STXBP6: variants seen among roughly 807,000 people sequenced by gnomAD.
The protein encoded by STXBP6 is syntaxin-binding protein 6.
STXBP6 carries 21 observed loss-of-function variants against 26.9 expected under a neutral mutation model. The ratio of observed to expected loss-of-function variants is 0.78; its 90% CI spans 0.55 to 1.12. The LOEUF (loss-of-function observed/expected upper bound fraction) is 1.12, where lower values mean the gene tolerates loss of function less well. STXBP6 is among the 50% of genes most tolerant of loss of function. STXBP6 has a pLI of 0.00. For synonymous variants in STXBP6, 97 were observed against 92.6 expected, an observed-to-expected ratio of 1.05 and a Z score of -0.27; for missense variants, 232 against 257.9, an observed-to-expected ratio of 0.90 and a Z score of 0.69.
At chr14:24,816,117 C>T (rs1330388399) in intron 5 of STXBP6, 4 of 152,300 alleles carry the variant, frequency 2.6e-5, no homozygotes, top group Admixed American at 1.3e-4. Flanking sequence ...GGGTTCGGCA[C>T]CCTTATTCAA....
intron 1 of STXBP6, among the ~76,000 whole-genome samples, chr14:25,048,313 T>A (rs542427971): frequency 4.6e-5 from 7 of 152,256 alleles, no homozygotes; most frequent in African/African-American, 1.7e-4. Context: ...TGGAGGGAGG[T>A]AAGGCCACGA....
intron 1 of STXBP6, among the ~76,000 whole-genome samples, chr14:24,992,427 G>A (rs1326702433): frequency 1.3e-5 from 2 of 152,110 alleles, no homozygotes; most frequent in African/African-American, 4.8e-5. Context: ...GAAAAAAAAA[G>A]GTCAAAGACA....
At chr14:24,857,252 T>C in intron 2 of STXBP6, 95 bp from the exon 3 acceptor site, 2 of 1,517,404 alleles carry the variant, frequency 1.3e-6, no homozygotes, top group Non-Finnish European at 9.0e-7. Context: ...ACTGTGTATA[T>C]GCACAATAAC....
intron 4 of STXBP6, among the ~76,000 whole-genome samples, chr14:24,836,803 A>G (rs1017815664): frequency 6.4e-4 from 97 of 152,234 alleles, no homozygotes; most frequent in African/African-American, 2.3e-3. Context: ...TCTTCAGTAA[A>G]AATCCTGCTT....
intron 2 of STXBP6, among the ~76,000 whole-genome samples, chr14:24,973,666 C>T (rs1364399034): frequency 6.6e-6 from 1 of 152,070 alleles, no homozygotes; most frequent in Non-Finnish European, 1.5e-5. Context: ...GCATTATAGG[C>T]ATGAGCCACC....
rs764373680 is a variant in STXBP6, at chr14:24,961,651, AG to A, written c.154+13013del. 2.6e-5 allele frequency among the ~76,000 whole-genome samples: 4 copies of A among 152,232 alleles called. No individual in the cohort carries two copies. In the East Asian group the frequency reaches 7.7e-4, roughly 29 times the overall value. ...GATACCGGGGACTCTAAAAGGCAGC[AG>A]GGTGGAAAGGAATGAGGATTTAAAA... is the stretch of plus-strand genomic sequence containing the variant. On this transcript the variant is annotated intron_variant, in intron 2 of 5. Coordinates refer to ENST00000323944, the MANE Select transcript of STXBP6 (RefSeq NM_001394410.1).
intron 2 of STXBP6, among the ~76,000 whole-genome samples, chr14:24,907,981 C>T (rs936203415): frequency 3.9e-5 from 6 of 152,034 alleles, no homozygotes; most frequent in Non-Finnish European, 5.9e-5. Context: ...CTGTATCTCA[C>T]GCCCACAGCA....
chr14:25,037,729 C>T (rs1347289111), intron 1 of STXBP6, among the ~76,000 whole-genome samples: 1 of 152,214 alleles, frequency 6.6e-6, no homozygotes, highest in East Asian at 1.9e-4. Context: ...ATGTTTAGAG[C>T]AATTCCAAAA....
Position 24,908,698 on chromosome 14 carries a change from C to T in STXBP6, c.155-51541G>A, listed in dbSNP as rs147930459. ...CCTACAACTGAGACCAAAACAGAAC[C>T]GAAACTTGTCCCAATTTCCTCATAA... On this transcript the variant is annotated intron_variant, in intron 2 of 5. Transcript: ENST00000323944. Among the ~76,000 whole-genome samples, 751 of 152,282 alleles carry T rather than the reference C, an allele frequency of 4.9e-3. 5 individuals are homozygous for T. The highest frequency in any genetic ancestry group is 0.014 in the African/African-American group (580 of 41,558).
At chr14:24,815,538 C>A (rs572978531) in intron 5 of STXBP6, 5 of 151,262 alleles carry the variant, frequency 3.3e-5, no homozygotes, top group Non-Finnish European at 4.4e-5. Context: ...AGACCCAGAC[C>A]TGAGCTCCTT....
intron 2 of STXBP6, among the ~76,000 whole-genome samples, chr14:24,933,811 CT>C (rs2072506003): frequency 1.3e-5 from 2 of 151,950 alleles, no homozygotes; most frequent in South Asian, 2.1e-4. Flanking sequence ...ATTGGGCATG[CT>C]TTTTTAACGT....
At chr14:24,963,947 G>A (rs947542729) in intron 2 of STXBP6, among the ~76,000 whole-genome samples, 1 of 139,090 alleles carries the variant, frequency 7.2e-6, no homozygotes, top group Non-Finnish European at 1.5e-5. Context: ...GCATCTTAGT[G>A]TGTGTGAATA....
At position 24,819,086 on chromosome 14, in the gene STXBP6, G is replaced by A. The variant is rs768831879; in HGVS notation, c.560C>T (p.Thr187Ile). The stretch of plus-strand genomic sequence containing the variant: ...CTGGGCGCTGTTCTTCAGGTCTTCT[G>A]TCTTCTCCTCTGCTCGGCCTAATCG... ...GERLGRAEEKTEDLKNSAQQF... is the reference protein window; with the variant it reads ...GERLGRAEEKIEDLKNSAQQF... Residue 187 changes from threonine to isoleucine, a missense_variant, in exon 5 of 6, where the codon ACA (threonine) becomes ATA (isoleucine). Coordinates refer to ENST00000323944, the MANE Select transcript of STXBP6 (RefSeq NM_001394410.1). The A allele has an allele frequency of 2.4e-5, 38 of 1,613,396 alleles. No homozygotes were observed. Among genetic ancestry groups the A allele is most frequent in the Non-Finnish European group, 2.6e-5 (31 of 1,179,580 alleles).
intron 1 of STXBP6, among the ~76,000 whole-genome samples, chr14:24,975,935 A>C (rs111619527): frequency 6.6e-6 from 1 of 152,224 alleles, no homozygotes; most frequent in Non-Finnish European, 1.5e-5. Context: ...ACAAATCAAA[A>C]TTAAAGGCAC....
intron 4 of STXBP6, among the ~76,000 whole-genome samples, chr14:24,827,228 A>C (rs1005571827): frequency 2.0e-5 from 3 of 152,140 alleles, no homozygotes; most frequent in Non-Finnish European, 4.4e-5. Context: ...AACAAACAAA[A>C]AAAAGTACTT....
intron 2 of STXBP6, among the ~76,000 whole-genome samples, chr14:24,886,005 C>T (rs982309800): frequency 4.6e-5 from 7 of 152,156 alleles, no homozygotes; most frequent in Admixed American, 3.3e-4. Context: ...GGTAAACATG[C>T]CTAGCTTCTT....
intron 2 of STXBP6, among the ~76,000 whole-genome samples, chr14:24,920,212 C>G (rs1183169372): frequency 1.3e-5 from 2 of 151,966 alleles, no homozygotes; most frequent in Non-Finnish European, 2.9e-5. Flanking sequence ...GAACTCAATA[C>G]TCAAAACACA....
intron 1 of STXBP6, among the ~76,000 whole-genome samples, chr14:25,046,859 T>G (rs1029298936): frequency 4.6e-5 from 7 of 152,210 alleles, no homozygotes; most frequent in African/African-American, 1.7e-4. Flanking sequence ...ACACTAATAC[T>G]GATCAGCTGC....
At chr14:24,836,080 A>T (rs1272895498) in intron 4 of STXBP6, among the ~76,000 whole-genome samples, 1 of 152,250 alleles carries the variant, frequency 6.6e-6, no homozygotes, top group Non-Finnish European at 1.5e-5. Context: ...AGCCAGTGGC[A>T]ACACTAGTTA....
Sources: allele counts gnomAD v4.1 joint callset (sites outside exome capture counted in the v4.1 genomes callset), GRCh38; gene constraint gnomAD v4.1.1; transcripts MANE v1.5; gene names NCBI Gene and HGNC (gene_info 2026-07-23, HGNC 2026-07-21).